Variants in EVL observed in about 807,000 individuals in gnomAD.
EVL encodes Enah/Vasp-like.
A neutral mutation model predicts 59.6 loss-of-function variants in EVL; 21 were observed. The observed-to-expected ratio is 0.35, with a 90% CI of 0.25 to 0.51. The LOEUF is 0.51. EVL is among the 20% of genes least tolerant of loss of function. The pLI, the probability that EVL is intolerant of heterozygous loss-of-function variation, is 0.97. For synonymous variants in EVL, 198 were observed against 203.5 expected, an observed-to-expected ratio of 0.97 and a Z score of 0.23; for missense variants, 462 against 546.6, an observed-to-expected ratio of 0.85 and a Z score of 1.54.
intron 1 of EVL, chr14:100,019,272 T>C: frequency 5.3e-6 from 1 of 188,932 alleles, no homozygotes; most frequent in Non-Finnish European, 1.1e-5. Context: ...TTCAGCCTTC[T>C]CTCCTCTCTC....
intron 1 of EVL, among the ~76,000 whole-genome samples, chr14:100,035,520 T>C (rs151129608): frequency 2.6e-5 from 4 of 152,260 alleles, no homozygotes; most frequent in African/African-American, 9.6e-5. Context: ...GCTGCCGTTT[T>C]GCATACCAGT....
intron 1 of EVL, among the ~76,000 whole-genome samples, chr14:99,993,358 G>A (rs557908844): frequency 5.1e-4 from 77 of 151,916 alleles, no homozygotes; most frequent in African/African-American, 1.7e-3. Flanking sequence ...GCGCCCGGTC[G>A]TTTAATCCTT....
At chr14:100,119,863 G>C (rs1179022223) in intron 3 of EVL, among the ~76,000 whole-genome samples, 3 of 152,170 alleles carry the variant, frequency 2.0e-5, no homozygotes, top group African/African-American at 7.2e-5. Flanking sequence ...CCCACTGCCT[G>C]CCCAGGTTAG....
intron 1 of EVL, among the ~76,000 whole-genome samples, chr14:100,042,352 C>T (rs1814033559): frequency 6.6e-6 from 1 of 152,190 alleles, no homozygotes; most frequent in South Asian, 2.1e-4. Context: ...TACATTGTTG[C>T]ATTTAGCAAA....
intron 1 of EVL, among the ~76,000 whole-genome samples, chr14:99,998,062 C>T (rs1052143333): frequency 9.2e-5 from 14 of 151,884 alleles, no homozygotes; most frequent in Admixed American, 2.6e-4. Flanking sequence ...CTCTTTTACC[C>T]GGGCTGGAGT....
intron 1 of EVL, among the ~76,000 whole-genome samples, chr14:100,025,608 T>G (rs565234182): frequency 6.6e-6 from 1 of 152,294 alleles, no homozygotes; most frequent in South Asian, 2.1e-4. Context: ...TAGCAGAACC[T>G]AAGTGCCACA....
chr14:100,135,736 C>T, intron 8 of EVL, 169 bp from the exon 9 acceptor site: 1 of 622,732 alleles, frequency 1.6e-6, no homozygotes, highest in East Asian at 2.8e-5. Context: ...TCTCTCCCCA[C>T]TGAGATTTTG....
At chr14:99,981,199 C>T (rs564976192) in intron 1 of EVL, among the ~76,000 whole-genome samples, 7 of 151,982 alleles carry the variant, frequency 4.6e-5, no homozygotes, top group African/African-American at 1.7e-4. Flanking sequence ...GAGTTTGAGG[C>T]AGTGGATTGA....
In EVL at chr14:100,084,866, G is replaced by C. The variant is rs780771365; in HGVS notation, c.180+11G>C. On this transcript the variant is annotated intron_variant, in intron 2 of 13. Coordinates refer to ENST00000392920, the MANE Select transcript of EVL (RefSeq NM_016337.3). ...TTGCAGGATCAGCAGGTCAGTGCTG[G>C]AATTACAGATTATACCCGTGAGCCT... The C allele has an allele frequency of 2.5e-6, 4 of 1,613,658 alleles. No homozygotes were observed. The highest frequency in any genetic ancestry group is 3.4e-6 in the Non-Finnish European group (4 of 1,179,954).
intron 3 of EVL, among the ~76,000 whole-genome samples, chr14:100,101,803 T>G (rs1886240314): frequency 6.6e-6 from 1 of 152,212 alleles, no homozygotes. Context: ...CTCATTAATC[T>G]TTGTAAACAC....
chr14:100,092,396 G>T (rs913911129), intron 2 of EVL, among the ~76,000 whole-genome samples: 2 of 152,164 alleles, frequency 1.3e-5, no homozygotes, highest in Non-Finnish European at 2.9e-5. Flanking sequence ...ATCAGCAGGA[G>T]AATGGAGAAG....
chr14:99,993,359 T>C (rs1311275798), intron 1 of EVL, among the ~76,000 whole-genome samples: 1 of 151,976 alleles, frequency 6.6e-6, no homozygotes, highest in Admixed American at 6.6e-5. Flanking sequence ...CGCCCGGTCG[T>C]TTAATCCTTT....
chr14:100,047,044 C>T (rs140098126), intron 1 of EVL, among the ~76,000 whole-genome samples: 1,555 of 148,804 alleles, frequency 0.01, 21 homozygotes, highest in African/African-American at 0.036. Flanking sequence ...TGAGCCACCG[C>T]GCCCAGCAGG....
At chr14:99,993,094 A>G (rs1364719149) in intron 1 of EVL, among the ~76,000 whole-genome samples, 7 of 123,398 alleles carry the variant, frequency 5.7e-5, no homozygotes, top group Admixed American at 1.9e-4. Flanking sequence ...GTCTTGCTCT[A>G]TCACCCAGGC....
At chr14:99,990,374 T>C (rs1474887300) in intron 1 of EVL, among the ~76,000 whole-genome samples, 4 of 152,230 alleles carry the variant, frequency 2.6e-5, no homozygotes, top group Non-Finnish European at 5.9e-5. Context: ...ACCCACTGTC[T>C]TAACCATTTT....
At chr14:100,011,774 C>T (rs2061018586) in intron 1 of EVL, among the ~76,000 whole-genome samples, 1 of 152,112 alleles carries the variant, frequency 6.6e-6, no homozygotes, top group African/African-American at 2.4e-5. Context: ...AATTATATGG[C>T]CTGGATGAAG....
chr14:100,129,751 T>C lies in EVL; in HGVS notation c.839+67T>C, dbSNP rs1595237649. 23 of 1,456,962 alleles carry C rather than the reference T, an allele frequency of 1.6e-5. No homozygotes were observed. The East Asian group carries it at 2.5e-4, about 16-fold the overall frequency. The allele number at this position is 1,456,962 out of a possible 1,614,324, so 90.3% of individuals were successfully genotyped here. On this transcript the variant is annotated intron_variant, in intron 7 of 13. Transcript: ENST00000392920. ...AAGCTCCTGCCCCCGCCCCCAGCGC[T>C]GCACAGAGAATCCTCTCTTGACCCC... is the stretch of plus-strand genomic sequence containing the variant.
intron 8 of EVL, among the ~76,000 whole-genome samples, chr14:100,134,023 G>A (rs1031969613): frequency 3.3e-5 from 5 of 152,092 alleles, no homozygotes; most frequent in South Asian, 2.1e-4. Flanking sequence ...TCCCAGCCCC[G>A]GTCTTCTCCC....
intron 3 of EVL, among the ~76,000 whole-genome samples, chr14:100,122,100 G>A (rs944171220): frequency 1.3e-5 from 2 of 152,210 alleles, no homozygotes; most frequent in East Asian, 1.9e-4. Flanking sequence ...GAGCTGAAAC[G>A]CCAGGAATCC....
Sources: allele counts gnomAD v4.1 joint callset (sites outside exome capture counted in the v4.1 genomes callset), GRCh38; gene constraint gnomAD v4.1.1; transcripts MANE v1.5; gene names NCBI Gene and HGNC (gene_info 2026-07-23, HGNC 2026-07-21).